Variants in PCNX2 observed in about 807,000 individuals in gnomAD.
The protein encoded by PCNX2 is pecanex-like protein 2.
In PCNX2, 168 loss-of-function variants were observed where a neutral mutation model predicts 223.8. The observed-to-expected ratio is 0.75, with a 90% CI of 0.66 to 0.85. The LOEUF (loss-of-function observed/expected upper bound fraction) is 0.85, where lower values mean the gene tolerates loss of function less well. PCNX2 is among the 40% of genes least tolerant of loss of function. The pLI is 0.00. For synonymous variants in PCNX2, 1,006 were observed against 1,052.6 expected (o/e 0.96, Z 0.86); for missense variants, 2,507 against 2,675.5 (o/e 0.94, Z 1.39).
At chr1:233,172,248 G>T in intron 17 of PCNX2, 1 of 574,366 alleles carries the variant, frequency 1.7e-6, no homozygotes, top group Non-Finnish European at 2.2e-6. Context: ...ATAGTAAGCT[G>T]TGCATTTTCC....
chr1:233,306,711 A>C, the PCNX2 span, among the ~76,000 whole-genome samples: 1 of 152,210 alleles, frequency 6.6e-6, no homozygotes, highest in Non-Finnish European at 1.5e-5. Flanking sequence ...CCACCTTCAC[A>C]TGATTGTGAA....
chr1:233,236,569 G>T (rs192597122), intron 9 of PCNX2, among the ~76,000 whole-genome samples: 1 of 151,874 alleles, frequency 6.6e-6, no homozygotes, highest in South Asian at 2.1e-4. Context: ...ATGCATCCTG[G>T]CAACCAAAAA....
intron 21 of PCNX2, among the ~76,000 whole-genome samples, chr1:233,113,356 A>C (rs990746395): frequency 3.9e-5 from 6 of 152,200 alleles, no homozygotes; most frequent in African/African-American, 1.4e-4. Context: ...GAGAAGCCAG[A>C]GGAGGAAATC....
intron 1 of PCNX2, among the ~76,000 whole-genome samples, chr1:233,266,663 G>A (rs1660346683): frequency 6.6e-6 from 1 of 152,162 alleles, no homozygotes. Context: ...TCCCCTTGAT[G>A]TAAGGTATAC....
At chr1:233,123,937 G>T (rs905377180) in intron 21 of PCNX2, among the ~76,000 whole-genome samples, 20 of 152,144 alleles carry the variant, frequency 1.3e-4, no homozygotes, top group African/African-American at 4.6e-4. Context: ...TACTGGTAAT[G>T]GAAGTTAATG....
intron 1 of PCNX2, among the ~76,000 whole-genome samples, chr1:233,271,567 A>G (rs1428291141): frequency 6.6e-6 from 1 of 152,196 alleles, no homozygotes; most frequent in Non-Finnish European, 1.5e-5. Context: ...ATTTTAAGCA[A>G]CATTCTTCAA....
At chr1:233,292,071 A>C (rs1661795897) in intron 1 of PCNX2, 3 of 925,892 alleles carry the variant, frequency 3.2e-6, no homozygotes, top group South Asian at 1.0e-4. Flanking sequence ...TATCACCCAG[A>C]TCTAAGTACA....
chr1:233,305,871 A>G, the PCNX2 span, among the ~76,000 whole-genome samples: 1 of 152,262 alleles, frequency 6.6e-6, no homozygotes, highest in South Asian at 2.1e-4. Flanking sequence ...CACATGACAT[A>G]TAAAAACAAG....
chr1:233,179,278 G>C (rs115831300), intron 15 of PCNX2, 103 bp from the exon 16 acceptor site: 1 of 1,192,326 alleles, frequency 8.4e-7, no homozygotes, highest in Non-Finnish European at 1.2e-6. Flanking sequence ...CTGGATGGAT[G>C]AGTTATTCCC....
intron 8 of PCNX2, among the ~76,000 whole-genome samples, chr1:233,240,243 C>G (rs923394700): frequency 6.6e-6 from 1 of 152,176 alleles, no homozygotes; most frequent in Non-Finnish European, 1.5e-5. Flanking sequence ...ATCACTGAAA[C>G]GGACAGGTGG....
chr1:233,098,660 C>T lies in PCNX2; in HGVS notation c.3838-2797G>A, dbSNP rs1674313454. Among the ~76,000 whole-genome samples the T allele has an allele frequency of 2.6e-5, 4 of 152,204 alleles. 1 individual carries two copies. The highest frequency in any genetic ancestry group is 7.2e-5 in the African/African-American group (3 of 41,536). ...GTCATTTCTTTATGTAGTAATGATT[C>T]CTCTACAACACAGTAATTTTAATGC... On this transcript the variant is annotated intron_variant, in intron 21 of 33. Coordinates refer to ENST00000258229, the MANE Select transcript of PCNX2 (RefSeq NM_014801.4).
chr1:233,116,308 G>C (rs763464056), intron 21 of PCNX2, among the ~76,000 whole-genome samples: 26 of 152,100 alleles, frequency 1.7e-4, no homozygotes, highest in Admixed American at 1.3e-4. Context: ...CTCTATCCAA[G>C]AACAGGAGAA....
At chr1:233,260,145 A>G (rs1659972095) in intron 4 of PCNX2, among the ~76,000 whole-genome samples, 1 of 152,182 alleles carries the variant, frequency 6.6e-6, no homozygotes, top group Admixed American at 6.5e-5. Context: ...TAAGGAAAAA[A>G]CAGAATTCTT....
intron 5 of PCNX2, among the ~76,000 whole-genome samples, chr1:233,256,856 A>C (rs1659762600): frequency 6.6e-6 from 1 of 152,248 alleles, no homozygotes; most frequent in African/African-American, 2.4e-5. Flanking sequence ...CAGAGCAACC[A>C]GTATGGAGCC....
intron 17 of PCNX2, among the ~76,000 whole-genome samples, chr1:233,176,535 A>G (rs1472725683): frequency 1.3e-5 from 2 of 152,224 alleles, no homozygotes; most frequent in Non-Finnish European, 2.9e-5. Context: ...TGTGTGGACC[A>G]CATCAGGAGG....
intron 15 of PCNX2, among the ~76,000 whole-genome samples, chr1:233,186,579 C>G (rs529548280): frequency 3.9e-5 from 6 of 152,162 alleles, no homozygotes; most frequent in Non-Finnish European, 7.4e-5. Flanking sequence ...CTTGAACACC[C>G]CAGAAGGGGC....
At chr1:233,052,209 T>C (rs552358210) in intron 25 of PCNX2, among the ~76,000 whole-genome samples, 5 of 152,340 alleles carry the variant, frequency 3.3e-5, no homozygotes, top group Admixed American at 1.3e-4. Context: ...TATTTAGGAA[T>C]GTGAAAAGGC....
At chr1:233,233,139 T>C (rs1658170536) in intron 9 of PCNX2, among the ~76,000 whole-genome samples, 1 of 152,150 alleles carries the variant, frequency 6.6e-6, no homozygotes. Flanking sequence ...CCATAACATA[T>C]TGGGACAATG....
chr1:233,106,777 T>A (rs1487534538), intron 21 of PCNX2, among the ~76,000 whole-genome samples: 2 of 152,188 alleles, frequency 1.3e-5, no homozygotes, highest in African/African-American at 4.8e-5. Context: ...ATAAACAATG[T>A]TAATGTATGA....
Sources: gnomAD v4.1 joint callset for allele counts (sites outside exome capture counted in the v4.1 genomes callset) on GRCh38, gnomAD v4.1.1 for gene constraint, MANE v1.5 for transcripts, NCBI Gene and HGNC (gene_info 2026-07-23, HGNC 2026-07-21) for gene names.